THADA: variants seen among roughly 807,000 people sequenced by gnomAD.
The protein encoded by THADA is THADA armadillo repeat containing.
THADA carries 213 observed loss-of-function variants against 219.8 expected under a neutral mutation model. That is an observed-to-expected ratio of 0.97 (90% CI 0.87 to 1.09). THADA has a LOEUF of 1.09. THADA is among the 50% of genes least tolerant of loss of function. The pLI is 0.00. For missense variants in THADA, 2,956 were observed against 2,311.3 expected (o/e 1.28, Z -5.72); for synonymous variants, 1,018 against 828.9 (o/e 1.23, Z -3.92).
chr2:43,398,620 A>G (rs547482344), intron 28 of THADA, among the ~76,000 whole-genome samples: 1 of 152,336 alleles, frequency 6.6e-6, no homozygotes, highest in East Asian at 1.9e-4. Context: ...TGACTATAGA[A>G]ACTCAGAAGA....
chr2:43,551,452 T>C (rs1005284553), intron 19 of THADA, among the ~76,000 whole-genome samples: 2 of 152,080 alleles, frequency 1.3e-5, no homozygotes, highest in African/African-American at 4.8e-5. Flanking sequence ...GAGCATCCCA[T>C]TGGTGTTCAA....
intron 36 of THADA, among the ~76,000 whole-genome samples, chr2:43,238,966 T>C (rs1267317998): frequency 6.6e-6 from 1 of 152,144 alleles, no homozygotes; most frequent in Non-Finnish European, 1.5e-5. Flanking sequence ...TCCCACCGGC[T>C]ACACTGCTAG....
intron 28 of THADA, among the ~76,000 whole-genome samples, chr2:43,419,585 C>T (rs1677437156): frequency 6.6e-6 from 1 of 152,080 alleles, no homozygotes; most frequent in Admixed American, 6.5e-5. Context: ...TTCTTATTTT[C>T]TTCTGGAAGA....
At chr2:43,593,033 TC>T (rs2104204155) in intron 1 of THADA, 1 of 152,346 alleles carries the variant, frequency 6.6e-6, no homozygotes, top group East Asian at 1.9e-4. Context: ...TACCATGCCA[TC>T]TGGAAAGAAG....
intron 28 of THADA, among the ~76,000 whole-genome samples, chr2:43,415,868 C>T (rs909787270): frequency 3.3e-5 from 5 of 151,404 alleles, no homozygotes; most frequent in African/African-American, 4.8e-5. Context: ...TTCAACCACG[C>T]AGCAGAATGC....
At chr2:43,298,874 G>A (rs1031553886) in intron 31 of THADA, among the ~76,000 whole-genome samples, 6 of 152,184 alleles carry the variant, frequency 3.9e-5, no homozygotes, top group African/African-American at 1.4e-4. Context: ...TACACTGCCT[G>A]TGACTTGAGT....
chr2:43,333,340 T>C (rs1190342538), intron 30 of THADA: 1 of 152,146 alleles, frequency 6.6e-6, no homozygotes, highest in Non-Finnish European at 1.5e-5. Flanking sequence ...CATTCAAATC[T>C]GCATGAGGCT....
intron 26 of THADA, among the ~76,000 whole-genome samples, chr2:43,454,073 T>C (rs1682692081): frequency 6.6e-6 from 1 of 152,174 alleles, no homozygotes; most frequent in African/African-American, 2.4e-5. Context: ...TCTCGCTATA[T>C]TGCCCAAACT....
At chr2:43,572,114 G>C (rs1004807716) in intron 12 of THADA, among the ~76,000 whole-genome samples, 3 of 152,088 alleles carry the variant, frequency 2.0e-5, no homozygotes, top group Non-Finnish European at 2.9e-5. Context: ...GTAATGCTCA[G>C]CTTCATTCCT....
At chr2:43,550,436 G>T (rs767535883) in intron 19 of THADA, among the ~76,000 whole-genome samples, 1 of 152,070 alleles carries the variant, frequency 6.6e-6, no homozygotes, top group Non-Finnish European at 1.5e-5. Context: ...ACCACGCAAA[G>T]ACCAAGAAAA....
intron 28 of THADA, among the ~76,000 whole-genome samples, chr2:43,405,988 G>C (rs937493162): frequency 6.6e-6 from 1 of 152,198 alleles, no homozygotes; most frequent in African/African-American, 2.4e-5. Context: ...GCATGCTTTT[G>C]AGGTCACCTT....
intron 29 of THADA, among the ~76,000 whole-genome samples, chr2:43,352,938 G>A (rs773733351): frequency 2.0e-5 from 3 of 151,896 alleles, no homozygotes; most frequent in Non-Finnish European, 2.9e-5. Flanking sequence ...TTATTCTCCC[G>A]TTCTATATAT....
intron 16 of THADA, among the ~76,000 whole-genome samples, chr2:43,559,864 A>C (rs1196699328): frequency 6.6e-6 from 1 of 152,174 alleles, no homozygotes; most frequent in Non-Finnish European, 1.5e-5. Flanking sequence ...TTATCTCGAA[A>C]AATGCAAGTT....
intron 25 of THADA, among the ~76,000 whole-genome samples, chr2:43,489,874 C>CAAAAAAAA (rs201735523): frequency 5.3e-5 from 3 of 56,080 alleles, no homozygotes; most frequent in African/African-American, 2.0e-4. Flanking sequence ...TTAAGATCTG[C>CAAAAAAAA]AAAAAAAAAA....
chr2:43,339,251 C>G (rs963349594), intron 30 of THADA, among the ~76,000 whole-genome samples: 1 of 152,194 alleles, frequency 6.6e-6, no homozygotes, highest in East Asian at 1.9e-4. Flanking sequence ...ATATTTATTT[C>G]TGGTTATCAC....
chr2:43,466,026 T>TCAAGTC (rs1409640067), intron 26 of THADA, among the ~76,000 whole-genome samples: 2 of 152,198 alleles, frequency 1.3e-5, no homozygotes, highest in African/African-American at 4.8e-5. Flanking sequence ...TCCTATCAAA[T>TCAAGTC]CTACTGTCTT....
At chr2:43,520,931 G>A (rs1426218645) in intron 22 of THADA, among the ~76,000 whole-genome samples, 2 of 129,616 alleles carry the variant, frequency 1.5e-5, no homozygotes, top group South Asian at 2.6e-4. Flanking sequence ...AAAAAAGAAA[G>A]GGAAGGAGGG....
chr2:43,403,140 A>T (rs1413824926), intron 28 of THADA, among the ~76,000 whole-genome samples: 1 of 152,234 alleles, frequency 6.6e-6, no homozygotes, highest in African/African-American at 2.4e-5. Flanking sequence ...TAAAACTAGC[A>T]TAAAGCCTGC....
chr2:43,546,085 G>T (rs1385892673), intron 20 of THADA, among the ~76,000 whole-genome samples: 1 of 149,828 alleles, frequency 6.7e-6, no homozygotes. Flanking sequence ...CTTTGTTCTC[G>T]TTGGTTTCAA....
Sources: allele counts gnomAD v4.1 joint callset (sites outside exome capture counted in the v4.1 genomes callset), GRCh38; gene constraint gnomAD v4.1.1; transcripts MANE v1.5; gene names NCBI Gene and HGNC (gene_info 2026-07-23, HGNC 2026-07-21).